The following NRIP1 variants were observed in gnomAD, a reference collection of about 807,000 sequenced individuals.
The protein encoded by NRIP1 is nuclear receptor-interacting protein 1.
NRIP1 carries 28 observed loss-of-function variants against 75.0 expected under a neutral mutation model. That is an observed-to-expected ratio of 0.37 (90% CI 0.28 to 0.51). The LOEUF (loss-of-function observed/expected upper bound fraction) is 0.51, where lower values mean the gene tolerates loss of function less well. NRIP1 is among the 20% of genes least tolerant of loss of function. The probability of loss-of-function intolerance (pLI) is 0.92; values close to 1 mark genes in which losing one functional copy is unlikely to be tolerated. For synonymous variants in NRIP1, 526 were observed against 487.6 expected, an observed-to-expected ratio of 1.08 and a Z score of -1.04; for missense variants, 1,435 against 1,343.7, an observed-to-expected ratio of 1.07 and a Z score of -1.06.
chr21:15,010,526 A>T (rs563526031), intron 3 of NRIP1, among the ~76,000 whole-genome samples: 32 of 152,262 alleles, frequency 2.1e-4, no homozygotes, highest in Non-Finnish European at 3.8e-4. Context: ...ACTAAGTAAA[A>T]GACTTAAGGA....
intron 1 of NRIP1, among the ~76,000 whole-genome samples, chr21:15,058,537 T>C (rs1640618314): frequency 6.6e-6 from 1 of 152,216 alleles, no homozygotes; most frequent in South Asian, 2.1e-4. Flanking sequence ...CAGAAATCAT[T>C]ACACTCTGTT....
At chr21:15,065,569 C>T (rs951970711), upstream of NRIP1, among the ~76,000 whole-genome samples, 2 of 152,148 alleles carry the variant, frequency 1.3e-5, no homozygotes, top group Admixed American at 6.5e-5. Flanking sequence ...TTCACCCACC[C>T]ACCCCCAATT....
At position 15,034,181 on chromosome 21, in the gene NRIP1, A is replaced by G. The variant is rs536414955; in HGVS notation, c.-458+9314T>C. Among the ~76,000 whole-genome samples, 3 of 152,342 alleles carry G rather than the reference A, an allele frequency of 2.0e-5. No individual in the cohort carries two copies. The South Asian group carries it at 6.2e-4, about 32-fold the overall frequency. Reference sequence around the variant, plus strand: ...GGAAAATCTCTAGGACTTTTTAGGTATCAAAAAGCTGAGGAAATGTTGGTA... The same window carrying G: ...GGAAAATCTCTAGGACTTTTTAGGTGTCAAAAAGCTGAGGAAATGTTGGTA... On this transcript the variant is annotated intron_variant, in intron 2 of 3. Transcript: ENST00000318948.
At chr21:14,999,759 GCTCATTTA>G (rs1600853204) in intron 3 of NRIP1, among the ~76,000 whole-genome samples, 1 of 152,256 alleles carries the variant, frequency 6.6e-6, no homozygotes, top group East Asian at 1.9e-4. Context: ...AACACTGCAT[GCTCATTTA>G]CTGAACTTAG....
chr21:15,034,057 T>C (rs553580902), intron 2 of NRIP1, among the ~76,000 whole-genome samples: 1 of 152,370 alleles, frequency 6.6e-6, no homozygotes, highest in South Asian at 2.1e-4. Context: ...TCTGGCAATT[T>C]CTATTGCAAA....
In NRIP1 at chr21:15,057,467, C is replaced by T. The variant is rs564945517; in HGVS notation, c.-538+7278G>A. The stretch of plus-strand genomic sequence containing the variant: ...TTGGTGACTACATTTCCCTCCAGCG[C>T]AATGCAGGTAGCAGGACATCAGCGC... On this transcript the variant is annotated intron_variant, in intron 1 of 3. Transcript: ENST00000318948. 1.5e-4 allele frequency among the ~76,000 whole-genome samples: 23 copies of T among 152,270 alleles called. No homozygotes were observed. The South Asian group carries it at 4.8e-3, about 32-fold the overall frequency.
At chr21:14,993,639 G>T (rs1019410002) in intron 3 of NRIP1, among the ~76,000 whole-genome samples, 2 of 151,968 alleles carry the variant, frequency 1.3e-5, no homozygotes, top group Non-Finnish European at 2.9e-5. Context: ...TAAAAAAATA[G>T]CTGGGTGTGG....
At position 14,975,786 on chromosome 21, in the gene NRIP1, C is replaced by G. The variant is rs80223775; in HGVS notation, c.-334-7260G>C. Among the ~76,000 whole-genome samples the G allele has an allele frequency of 2.2e-3, 329 of 151,504 alleles. 1 individual carries two copies. Among genetic ancestry groups the G allele is most frequent in the Non-Finnish European group, 3.6e-3 (241 of 67,806 alleles). On this transcript the variant is annotated intron_variant, in intron 3 of 3. Coordinates refer to ENST00000318948, the MANE Select transcript of NRIP1 (RefSeq NM_003489.4). ...TATTTTTACTTTTTATTATTTTAGC[C>G]TTTTTTTTAAAGGACAGTTGGGAAT...
chr21:15,065,918 C>G (rs543323509), upstream of NRIP1: 1 of 152,420 alleles, frequency 6.6e-6, no homozygotes, highest in Admixed American at 6.5e-5. Flanking sequence ...CTCCTCGGTT[C>G]GGTCTCCGAA....
At chr21:14,995,103 A>G (rs1305008413) in intron 3 of NRIP1, among the ~76,000 whole-genome samples, 1 of 152,130 alleles carries the variant, frequency 6.6e-6, no homozygotes, top group Non-Finnish European at 1.5e-5. Flanking sequence ...TGATCCAAAT[A>G]AAACAAATGG....
intron 1 of NRIP1, among the ~76,000 whole-genome samples, chr21:15,044,490 G>A (rs2823021): frequency 0.21 from 32,251 of 151,494 alleles, 3,874 homozygotes; most frequent in East Asian, 0.54. Context: ...TGAAGCTAGC[G>A]GTGATAAGGG....
In NRIP1 at chr21:14,965,418, A is replaced by T. The variant is rs2146920056; in HGVS notation, c.2775T>A (p.Ser925Arg). The stretch of plus-strand genomic sequence containing the variant: ...TAAAGCTTTTGCTCTCTCTGGCCCA[A>T]CTCCTGTGTTCACTTTCGCTGGCTG... The part of the protein sequence containing the change: ...HGSASESEHR[S>R]WARESKSFNV... The change falls in exon 4 of 4, where the codon AGT becomes AGA. Residue 925 changes from serine (S) to arginine (R), a missense_variant. Coordinates refer to ENST00000318948, the MANE Select transcript of NRIP1 (RefSeq NM_003489.4). The T allele has an allele frequency of 1.9e-6, 3 of 1,613,972 alleles. No individual in the cohort carries two copies. Among genetic ancestry groups the T allele is most frequent in the African/African-American group, 1.3e-5 (1 of 74,982 alleles).
Position 14,967,928 on chromosome 21 carries a change from A to G in NRIP1, c.265T>C (p.Ser89Pro). 5.0e-6 allele frequency: 8 copies of G among 1,614,134 alleles called. No individual in the cohort carries two copies. The highest frequency in any genetic ancestry group is 5.1e-6 in the Non-Finnish European group (6 of 1,180,030). The change falls in exon 4 of 4, where the codon TCT (serine) becomes CCT (proline). Residue 89 changes from serine (S) to proline (P), a missense_variant. By Grantham distance (74) the Ser-to-Pro change is moderately conservative. Transcript: ENST00000318948. ...LHLKKARLLQ[S>P]SEDWNAAKRK... is the part of the protein sequence containing the mutation. The stretch of plus-strand genomic sequence containing the variant: ...TTTGCTGCATTCCAGTCCTCAGAAG[A>G]CTGCAACAGTCTGGCTTTTTTGAGG...
chr21:14,994,781 A>T (rs1278629552), intron 3 of NRIP1, among the ~76,000 whole-genome samples: 1 of 152,172 alleles, frequency 6.6e-6, no homozygotes, highest in African/African-American at 2.4e-5. Context: ...TCAGGCAGTA[A>T]CTTTTCTGAG....
chr21:14,968,276 A>G lies in NRIP1; in HGVS notation c.-84T>C. The G allele has an allele frequency of 1.1e-6, 1 of 872,310 alleles. No individual in the cohort carries two copies. Among genetic ancestry groups the G allele is most frequent in the Non-Finnish European group, 1.8e-6 (1 of 558,936 alleles). The allele number at this position is 872,310 out of a possible 1,614,324, so 54.0% of individuals were successfully genotyped here. On this transcript the variant is annotated 5_prime_UTR_variant, in exon 4 of 4. Transcript: ENST00000318948. The stretch of plus-strand genomic sequence containing the variant: ...GTGGTGAGTGCGATGTAACTTTAAT[A>G]AAGGAGTATCAGTTTATCACCTTCC...
At chr21:15,023,403 T>C (rs1166385115) in intron 2 of NRIP1, among the ~76,000 whole-genome samples, 2 of 152,196 alleles carry the variant, frequency 1.3e-5, no homozygotes, top group African/African-American at 4.8e-5. Flanking sequence ...AATACTTTTT[T>C]TAAATAAAAT....
chr21:14,999,223 T>C (rs935321261), intron 3 of NRIP1, among the ~76,000 whole-genome samples: 1 of 152,130 alleles, frequency 6.6e-6, no homozygotes, highest in African/African-American at 2.4e-5. Context: ...GCAATCCTCC[T>C]ACCTCGGCCT....
chr21:14,989,508 C>T (rs2087509901), intron 3 of NRIP1, among the ~76,000 whole-genome samples: 1 of 152,170 alleles, frequency 6.6e-6, no homozygotes, highest in South Asian at 2.1e-4. Flanking sequence ...ATAATCAGCT[C>T]CTTCCCTGAG....
intron 1 of NRIP1, among the ~76,000 whole-genome samples, chr21:15,059,170 G>A (rs779289164): frequency 2.6e-5 from 4 of 152,138 alleles, no homozygotes; most frequent in Non-Finnish European, 5.9e-5. Context: ...AGTAGCTTAA[G>A]CGGATGACTC....
Sources: allele counts gnomAD v4.1 joint callset (sites outside exome capture counted in the v4.1 genomes callset), GRCh38; gene constraint gnomAD v4.1.1; transcripts MANE v1.5; gene names NCBI Gene and HGNC (gene_info 2026-07-23, HGNC 2026-07-21).